Variants in KCNH1 observed in about 807,000 individuals in gnomAD.
KCNH1 encodes potassium voltage-gated channel subfamily H member 1.
Under a neutral mutation model 69.2 loss-of-function variants are expected in KCNH1, and 27 were observed. The observed-to-expected ratio is 0.39, with a 90% CI of 0.29 to 0.54. The LOEUF (loss-of-function observed/expected upper bound fraction) is 0.54, where lower values mean the gene tolerates loss of function less well. Ranked by LOEUF, KCNH1 falls within the 20% of genes least tolerant of loss-of-function variation. The pLI, the probability that KCNH1 is intolerant of heterozygous loss-of-function variation, is 0.68. For synonymous variants in KCNH1, 456 were observed against 487.7 expected (o/e 0.93, Z 0.86); for missense variants, 798 against 1,261.6 (o/e 0.63, Z 5.57).
intron 5 of KCNH1, among the ~76,000 whole-genome samples, chr1:211,049,165 G>T (rs1033719040): frequency 3.9e-5 from 6 of 152,184 alleles, no homozygotes; most frequent in African/African-American, 1.4e-4. Context: ...GGAACCCACA[G>T]TTTAGAACAG....
chr1:210,690,526 T>G (rs1319309658), intron 10 of KCNH1, among the ~76,000 whole-genome samples: 1 of 152,164 alleles, frequency 6.6e-6, no homozygotes, highest in Non-Finnish European at 1.5e-5. Flanking sequence ...GCATAAAACA[T>G]GAAGATTAAC....
intron 4 of KCNH1, among the ~76,000 whole-genome samples, chr1:211,083,963 G>A (rs1690907014): frequency 6.6e-6 from 1 of 152,138 alleles, no homozygotes; most frequent in South Asian, 2.1e-4. Flanking sequence ...ATAAATTTTT[G>A]TCAATATAAT....
chr1:210,892,146 G>A (rs1686763301), intron 7 of KCNH1, among the ~76,000 whole-genome samples: 1 of 151,680 alleles, frequency 6.6e-6, no homozygotes, highest in African/African-American at 2.4e-5. Context: ...AAACCACAAT[G>A]GCACGTGTAT....
chr1:211,070,594 C>G (rs1397053461), intron 5 of KCNH1, among the ~76,000 whole-genome samples: 1 of 151,880 alleles, frequency 6.6e-6, no homozygotes, highest in African/African-American at 2.4e-5. Flanking sequence ...GAGGCCAAGG[C>G]AGGCAGATCA....
In KCNH1 at chr1:210,968,189, A is replaced by G. The variant is rs1397043808; in HGVS notation, c.1033-48120T>C. Among the ~76,000 whole-genome samples the G allele has an allele frequency of 3.5e-5, 5 of 143,394 alleles. No homozygotes were observed. In the East Asian group the frequency reaches 8.1e-4, roughly 23 times the overall value. 94.1% of individuals were successfully genotyped at this position (143,394 alleles called of 152,430 possible). On this transcript the variant is annotated intron_variant, in intron 6 of 10. Transcript: ENST00000271751. ...AATTTCATCCATGTCCCTACAAAGG[A>G]CATGAACTCATCATTTTTTATGGCT...
At chr1:210,748,175 G>C (rs1296068197) in intron 10 of KCNH1, among the ~76,000 whole-genome samples, 1 of 152,184 alleles carries the variant, frequency 6.6e-6, no homozygotes, top group African/African-American at 2.4e-5. Flanking sequence ...GCAGGTCCAC[G>C]TGCTCCTGTG....
chr1:210,986,969 G>A (rs1688851744), intron 6 of KCNH1, among the ~76,000 whole-genome samples: 1 of 152,160 alleles, frequency 6.6e-6, no homozygotes, highest in Admixed American at 6.6e-5. Flanking sequence ...GTTTCTTGGA[G>A]GCTTTGTTCA....
At chr1:211,109,911 G>A (rs1174012146) in intron 1 of KCNH1, among the ~76,000 whole-genome samples, 1 of 150,988 alleles carries the variant, frequency 6.6e-6, no homozygotes, top group African/African-American at 2.4e-5. Context: ...AAAAAATAAG[G>A]GAACAAGAAC....
chr1:211,088,093 T>A (rs1690989369), intron 4 of KCNH1, among the ~76,000 whole-genome samples: 1 of 152,170 alleles, frequency 6.6e-6, no homozygotes, highest in Non-Finnish European at 1.5e-5. Flanking sequence ...GAAAACAAAG[T>A]AATTTTAAGG....
chr1:210,807,695 T>C (rs1037301968), intron 7 of KCNH1, among the ~76,000 whole-genome samples: 14 of 152,130 alleles, frequency 9.2e-5, no homozygotes, highest in African/African-American at 3.1e-4. Context: ...CCTTTTGAGA[T>C]TGTCTTTTTT....
In KCNH1 at chr1:210,758,528, G is replaced by A. The variant is rs115472218; in HGVS notation, c.2112+16820C>T. ...CTACCAGCTGAGGAGCAAGAGAGAG[G>A]TGGAACCCCCTCCCCTGGAGATCTA... On this transcript the variant is annotated intron_variant, in intron 10 of 10. Transcript: ENST00000271751. Among the ~76,000 whole-genome samples, 1,167 of 152,248 alleles carry A rather than the reference G, an allele frequency of 7.7e-3. 20 individuals carry two copies. Among genetic ancestry groups the A allele is most frequent in the African/African-American group, 0.027 (1,125 of 41,550 alleles).
chr1:210,686,395 G>A (rs1156778112), intron 10 of KCNH1, among the ~76,000 whole-genome samples: 1 of 152,104 alleles, frequency 6.6e-6, no homozygotes, highest in Admixed American at 6.5e-5. Context: ...TGTGCTCTAA[G>A]TTATCCTCCT....
chr1:211,103,649 T>A, intron 2 of KCNH1, 47 bp from the exon 3 acceptor site: 2 of 1,211,826 alleles, frequency 1.7e-6, no homozygotes, highest in Non-Finnish European at 1.2e-6. Context: ...GTATTCATTA[T>A]TCTACAAGCA....
chr1:210,861,083 G>C, intron 7 of KCNH1: 1 of 900,298 alleles, frequency 1.1e-6, no homozygotes, highest in African/African-American at 1.6e-5. Flanking sequence ...ACTATGGGCT[G>C]TAAACAAAAG....
At position 210,822,888 on chromosome 1, in the gene KCNH1, T is replaced by G. The variant is rs566958479; in HGVS notation, c.1463-18722A>C. 1.2e-4 allele frequency among the ~76,000 whole-genome samples: 18 copies of G among 152,324 alleles called. No individual in the cohort carries two copies. The South Asian group carries it at 3.7e-3, about 32-fold the overall frequency. On this transcript the variant is annotated intron_variant, in intron 7 of 10. Coordinates refer to ENST00000271751, the MANE Select transcript of KCNH1 (RefSeq NM_172362.3). ...ACACACTACCTGAAATGTAGTTATG[T>G]GCAAACATGCCTTATTCCCCCTACC...
chr1:211,115,476 A>G (rs1006076422), intron 1 of KCNH1, among the ~76,000 whole-genome samples: 3 of 151,960 alleles, frequency 2.0e-5, no homozygotes, highest in Admixed American at 2.0e-4. Flanking sequence ...GCACCATCTA[A>G]TCAGCTTCCA....
intron 6 of KCNH1, among the ~76,000 whole-genome samples, chr1:210,972,605 G>T (rs531788849): frequency 1.3e-5 from 2 of 152,238 alleles, no homozygotes; most frequent in East Asian, 3.9e-4. Flanking sequence ...TAAAATGATA[G>T]ATTTTAAAAA....
At chr1:210,903,380 A>T (rs1169769296) in intron 7 of KCNH1, among the ~76,000 whole-genome samples, 1 of 152,242 alleles carries the variant, frequency 6.6e-6, no homozygotes, top group Non-Finnish European at 1.5e-5. Flanking sequence ...CTTGTCAAAG[A>T]CAGGCATTAA....
chr1:210,994,626 A>G (rs1688993316), intron 6 of KCNH1, among the ~76,000 whole-genome samples: 2 of 152,324 alleles, frequency 1.3e-5, no homozygotes, highest in African/African-American at 4.8e-5. Context: ...AAGACAAAGG[A>G]TCTGGTTAGC....
Sources: gnomAD v4.1 joint callset for allele counts (sites outside exome capture counted in the v4.1 genomes callset) on GRCh38, gnomAD v4.1.1 for gene constraint, MANE v1.5 for transcripts, NCBI Gene and HGNC (gene_info 2026-07-23, HGNC 2026-07-21) for gene names.